Variants in PTPRB observed in about 807,000 individuals in gnomAD.
PTPRB encodes receptor-type tyrosine-protein phosphatase beta.
In PTPRB, 97 loss-of-function variants were observed where a neutral mutation model predicts 238.1. The ratio of observed to expected loss-of-function variants is 0.41; its 90% CI spans 0.35 to 0.48. The LOEUF (loss-of-function observed/expected upper bound fraction) is 0.48. Ranked by LOEUF, PTPRB falls within the 20% of genes least tolerant of loss-of-function variation. PTPRB has a pLI of 0.30. For synonymous variants in PTPRB, 970 were observed against 995.4 expected, an observed-to-expected ratio of 0.97 and a Z score of 0.48; for missense variants, 2,292 against 2,681.9, an observed-to-expected ratio of 0.85 and a Z score of 3.21.
In PTPRB at chr12:70,519,251, T is replaced by C. The variant is rs1308813907; in HGVS notation, c.*2238A>G. The C allele has an allele frequency of 2.0e-5, 3 of 152,178 alleles. No homozygotes were observed. Among genetic ancestry groups the C allele is most frequent in the Non-Finnish European group, 2.9e-5 (2 of 68,024 alleles). The allele number at this position is 152,178 out of a possible 1,614,324, so 9.4% of individuals were successfully genotyped here. A position where few individuals can be genotyped will look rare whatever the true frequency, so the allele number is the denominator to read the frequency against. ...ATTACAGATGCATAGGTTTTTTTTATGGTTTTAACTCCTGGTTTGTGCAAT... is the reference window on the plus strand; with the variant it reads ...ATTACAGATGCATAGGTTTTTTTTACGGTTTTAACTCCTGGTTTGTGCAAT... On this transcript the variant is annotated 3_prime_UTR_variant, in exon 34 of 34. Coordinates refer to ENST00000334414, the MANE Select transcript of PTPRB (RefSeq NM_001109754.4).
chr12:70,572,789 A>AAAAAAAAG (rs1430373418), intron 11 of PTPRB, among the ~76,000 whole-genome samples: 1 of 151,498 alleles, frequency 6.6e-6, no homozygotes, highest in Non-Finnish European at 1.5e-5. Context: ...AAAAAAAAAA[A>AAAAAAAAG]AAAGAAAAGA....
Position 70,596,333 on chromosome 12 carries a change from A to C in PTPRB, c.980-6T>G. ...CCTAGCAGGAGGTAAAGGATCTGCA[A>C]GGCAAATACACACACACACACAAAA... is the stretch of plus-strand genomic sequence containing the variant. On this transcript the variant is annotated splice_polypyrimidine_tract_variant and splice_region_variant and intron_variant, in intron 4 of 33. Transcript: ENST00000334414. The C allele has an allele frequency of 6.7e-7, 1 of 1,487,350 alleles. No individual in the cohort carries two copies. Among genetic ancestry groups the C allele is most frequent in the Non-Finnish European group, 8.9e-7 (1 of 1,120,460 alleles). The allele number at this position is 1,487,350 out of a possible 1,614,324, so 92.1% of individuals were successfully genotyped here.
At chr12:70,526,128 A>C (rs1592385289) in intron 32 of PTPRB, among the ~76,000 whole-genome samples, 1 of 152,320 alleles carries the variant, frequency 6.6e-6, no homozygotes, top group African/African-American at 2.4e-5. Flanking sequence ...ATTGGAACCT[A>C]GCTTGGCCAG....
chr12:70,524,868 T>C (rs1872132679), intron 32 of PTPRB, among the ~76,000 whole-genome samples: 1 of 147,410 alleles, frequency 6.8e-6, no homozygotes, highest in Non-Finnish European at 1.5e-5. Flanking sequence ...TATGTGTGTA[T>C]ATATGTGTGT....
Position 70,516,440 on chromosome 12 carries a change from G to A in PTPRB, c.*5049C>T, listed in dbSNP as rs892493000. The A allele has an allele frequency of 3.3e-5, 5 of 152,206 alleles. No individual in the cohort carries two copies. Among genetic ancestry groups the A allele is most frequent in the Non-Finnish European group, 5.9e-5 (4 of 68,038 alleles). 9.4% of individuals were successfully genotyped at this position (152,206 alleles called of 1,614,324 possible). A position where few individuals can be genotyped will look rare whatever the true frequency, so the allele number is the denominator to read the frequency against. ...GAAATACTCTTCCAGTAGAGCACTG[G>A]TGCACCCTCTTGTCAGTGTGGCAGA... is the stretch of plus-strand genomic sequence containing the variant. On this transcript the variant is annotated 3_prime_UTR_variant, in exon 34 of 34. Coordinates refer to ENST00000334414, the MANE Select transcript of PTPRB (RefSeq NM_001109754.4).
At chr12:70,572,447 T>C (rs545216313) in intron 11 of PTPRB, among the ~76,000 whole-genome samples, 6 of 152,052 alleles carry the variant, frequency 3.9e-5, no homozygotes, top group Non-Finnish European at 5.9e-5. Flanking sequence ...CTAAGAAGAA[T>C]ATAAGCAATC....
Position 70,566,418 on chromosome 12 carries a change from T to C in PTPRB, c.3904+17A>G. The C allele has an allele frequency of 1.2e-6, 2 of 1,611,634 alleles. No homozygotes were observed. Among genetic ancestry groups the C allele is most frequent in the Non-Finnish European group, 1.7e-6 (2 of 1,178,594 alleles). On this transcript the variant is annotated intron_variant, in intron 15 of 33. Transcript: ENST00000334414. ...ATTGGCAATATGTGCTACAAAACAT[T>C]ATGCTGTGCTAATTACCTGTTCGGC...
intron 15 of PTPRB, among the ~76,000 whole-genome samples, chr12:70,565,625 T>A (rs1213773688): frequency 6.6e-6 from 1 of 152,188 alleles, no homozygotes; most frequent in Non-Finnish European, 1.5e-5. Context: ...GTCAGCTCTT[T>A]AAGGACGAGA....
intron 12 of PTPRB, 110 bp downstream of exon 12, chr12:70,571,713 AC>A: frequency 8.3e-7 from 1 of 1,202,962 alleles, no homozygotes; most frequent in Non-Finnish European, 1.2e-6. Flanking sequence ...AGTGAGACTT[AC>A]TGGGAATGTA....
intron 28 of PTPRB, among the ~76,000 whole-genome samples, chr12:70,537,582 A>T (rs1420167120): frequency 6.6e-6 from 1 of 152,180 alleles, no homozygotes; most frequent in East Asian, 1.9e-4. Flanking sequence ...TATGAGGTAA[A>T]TATTATTATC....
chr12:70,553,947 G>C (rs1877275280), intron 20 of PTPRB, among the ~76,000 whole-genome samples: 1 of 152,152 alleles, frequency 6.6e-6, no homozygotes, highest in Non-Finnish European at 1.5e-5. Context: ...AGGCTGTCTG[G>C]CTGGGGAACA....
chr12:70,619,436 G>T (rs565454945), intron 3 of PTPRB, among the ~76,000 whole-genome samples: 54 of 152,168 alleles, frequency 3.5e-4, no homozygotes, highest in Non-Finnish European at 7.2e-4. Context: ...ATCAAGAAAT[G>T]GAATCTATTT....
intron 29 of PTPRB, 21 bp from the exon 30 acceptor site, chr12:70,534,976 A>G (rs780108124): frequency 6.3e-7 from 1 of 1,599,304 alleles, no homozygotes; most frequent in Non-Finnish European, 8.5e-7. Flanking sequence ...ACAGACAGAA[A>G]AAACATGAGT....
At chr12:70,551,043 G>C (rs981909005) in intron 21 of PTPRB, among the ~76,000 whole-genome samples, 9 of 152,210 alleles carry the variant, frequency 5.9e-5, no homozygotes, top group Non-Finnish European at 1.5e-5. Context: ...TTACAGGCGT[G>C]CACCACCGTG....
chr12:70,569,974 G>C, intron 13 of PTPRB, 36 bp from the exon 14 acceptor site: 1 of 1,549,264 alleles, frequency 6.5e-7, no homozygotes, highest in Admixed American at 1.8e-5. Context: ...TCATCACTTA[G>C]AGAATGAACT....
rs1053148160 is a variant in PTPRB, at chr12:70,552,935, C to T, written c.5229G>A (p.Gln1743=). Residue 1743 remains glutamine, a synonymous_variant, in exon 21 of 34, where the codon CAG becomes CAA. Coordinates refer to ENST00000334414, the MANE Select transcript of PTPRB (RefSeq NM_001109754.4). The part of the protein sequence containing the change: ...YRHNASIRVY[Q]TNYFASKCAE... ...CACATTTGCTGGCAAAATAATTAGT[C>T]TGATACACCCGAATGGAGGCATTGT... is the stretch of plus-strand genomic sequence containing the variant. 6.2e-7 allele frequency: 1 copy of T among 1,613,822 alleles called. No homozygotes were observed. Among genetic ancestry groups the T allele is most frequent in the Non-Finnish European group, 8.5e-7 (1 of 1,179,878 alleles).
At chr12:70,562,805 T>C (rs747051325) in intron 16 of PTPRB, 39 bp downstream of exon 16, 3 of 1,597,194 alleles carry the variant, frequency 1.9e-6, no homozygotes, top group South Asian at 1.1e-5. Context: ...ACCGGGACAA[T>C]TCCCCCACGA....
At chr12:70,602,912 C>T (rs1484161875) in intron 4 of PTPRB, among the ~76,000 whole-genome samples, 1 of 152,160 alleles carries the variant, frequency 6.6e-6, no homozygotes, top group Non-Finnish European at 1.5e-5. Flanking sequence ...AATTTATACA[C>T]ATTCATACAT....
intron 4 of PTPRB, among the ~76,000 whole-genome samples, chr12:70,607,510 G>A (rs1884045234): frequency 6.6e-6 from 1 of 150,612 alleles, no homozygotes; most frequent in Admixed American, 6.6e-5. Context: ...CAGGCTCTCT[G>A]ATTCCATATT....
Sources: allele counts gnomAD v4.1 joint callset (sites outside exome capture counted in the v4.1 genomes callset), GRCh38; gene constraint gnomAD v4.1.1; transcripts MANE v1.5; gene names NCBI Gene and HGNC (gene_info 2026-07-23, HGNC 2026-07-21).